Variants in GALNT14 observed in about 807,000 individuals in gnomAD.
GALNT14 encodes polypeptide N-acetylgalactosaminyltransferase 14.
GALNT14 carries 60 observed loss-of-function variants against 77.5 expected under a neutral mutation model. The ratio of observed to expected loss-of-function variants is 0.77; its 90% confidence interval spans 0.63 to 0.96. The LOEUF (loss-of-function observed/expected upper bound fraction) is 0.96. GALNT14 is among the 40% of genes least tolerant of loss of function. The probability of loss-of-function intolerance (pLI) is 0.00; values close to 1 mark genes in which losing one functional copy is unlikely to be tolerated. For missense variants in GALNT14, 710 were observed against 731.0 expected, an observed-to-expected ratio of 0.97 and a Z score of 0.33; for synonymous variants, 280 against 281.7, an observed-to-expected ratio of 0.99 and a Z score of 0.06.
chr2:31,081,389 T>C (rs1191878103), intron 1 of GALNT14, among the ~76,000 whole-genome samples: 1 of 152,204 alleles, frequency 6.6e-6, no homozygotes, highest in African/African-American at 2.4e-5. Flanking sequence ...ATTTCGGAAC[T>C]ACAAAAGTTG....
At chr2:31,113,535 A>G (rs1163897096) in intron 1 of GALNT14, among the ~76,000 whole-genome samples, 3 of 152,132 alleles carry the variant, frequency 2.0e-5, no homozygotes, top group African/African-American at 7.2e-5. Context: ...GAACAGGCCT[A>G]CTGAGTCCTC....
chr2:31,102,663 C>T (rs1375510576), intron 1 of GALNT14, among the ~76,000 whole-genome samples: 1 of 152,102 alleles, frequency 6.6e-6, no homozygotes, highest in African/African-American at 2.4e-5. Context: ...ACCAGATCTA[C>T]TTTATTACCT....
the GALNT14 span, among the ~76,000 whole-genome samples, chr2:30,897,681 T>C: frequency 6.6e-6 from 1 of 152,144 alleles, no homozygotes. Context: ...TGGCGTAGCT[T>C]CTCCACAGGG....
At chr2:31,064,219 C>G (rs1159638572) in intron 1 of GALNT14, among the ~76,000 whole-genome samples, 1 of 152,230 alleles carries the variant, frequency 6.6e-6, no homozygotes, top group East Asian at 1.9e-4. Flanking sequence ...TATTGTGTTC[C>G]TACTGTGTGC....
At chr2:31,129,346 C>T (rs1282207290) in intron 1 of GALNT14, 1 of 983,458 alleles carries the variant, frequency 1.0e-6, no homozygotes, top group South Asian at 4.7e-5. Flanking sequence ...TGTAAAACAT[C>T]ACACCAAGTG....
chr2:31,043,807 TATAA>T (rs1395563014), intron 1 of GALNT14, among the ~76,000 whole-genome samples: 2 of 152,194 alleles, frequency 1.3e-5, no homozygotes, highest in African/African-American at 4.8e-5. Context: ...GAGAACGATC[TATAA>T]ATAAAGAATG....
intron 2 of GALNT14, among the ~76,000 whole-genome samples, chr2:30,972,045 G>C (rs1343835312): frequency 6.6e-6 from 1 of 152,248 alleles, no homozygotes; most frequent in African/African-American, 2.4e-5. Flanking sequence ...CCTGCGGCAT[G>C]CTGCCTTCAT....
chr2:30,999,740 C>T (rs977354113), intron 1 of GALNT14, among the ~76,000 whole-genome samples: 1 of 152,208 alleles, frequency 6.6e-6, no homozygotes, highest in African/African-American at 2.4e-5. Context: ...AGGCTCTACA[C>T]CATATTTTAT....
intron 1 of GALNT14, among the ~76,000 whole-genome samples, chr2:30,997,041 T>C (rs1017586739): frequency 6.6e-6 from 1 of 152,252 alleles, no homozygotes; most frequent in Non-Finnish European, 1.5e-5. Context: ...TATATCATCA[T>C]GCAATCCTCA....
At chr2:31,070,879 T>C (rs1381124645) in intron 1 of GALNT14, among the ~76,000 whole-genome samples, 1 of 152,234 alleles carries the variant, frequency 6.6e-6, no homozygotes, top group Non-Finnish European at 1.5e-5. Flanking sequence ...CAATAAGCAC[T>C]GTCTGGTCTC....
chr2:30,916,407 G>A (rs1664680550), intron 13 of GALNT14, among the ~76,000 whole-genome samples: 2 of 152,280 alleles, frequency 1.3e-5, no homozygotes, highest in South Asian at 2.1e-4. Context: ...TTTGGTCCGG[G>A]AACCGTCCCT....
intron 1 of GALNT14, among the ~76,000 whole-genome samples, chr2:31,058,739 A>G (rs965892615): frequency 6.6e-6 from 1 of 152,204 alleles, no homozygotes; most frequent in African/African-American, 2.4e-5. Flanking sequence ...ACGTCCCATG[A>G]CATCTCCACA....
intron 1 of GALNT14, among the ~76,000 whole-genome samples, chr2:31,088,384 G>A (rs1676562668): frequency 6.6e-6 from 1 of 152,204 alleles, no homozygotes; most frequent in Non-Finnish European, 1.5e-5. Flanking sequence ...CTGATGTTAA[G>A]TTTGGCCAAT....
chr2:30,955,935 C>A lies in GALNT14; in HGVS notation c.509G>T (p.Cys170Phe), dbSNP rs778736463. Residue 170 changes from cysteine to phenylalanine, a missense_variant, in exon 5 of 15, where the codon TGC becomes TTC. Physicochemically the swap from Cys to Phe is radical, Grantham distance 205. Coordinates refer to ENST00000349752, the MANE Select transcript of GALNT14 (RefSeq NM_024572.4). Reference sequence around the variant, plus strand: ...ACCTTGCCGTTCATTATTGCGCAAGCATTTCACCTTGGGCAACTTGATGAG... The same window carrying A: ...ACCTTGCCGTTCATTATTGCGCAAGAATTTCACCTTGGGCAACTTGATGAG... ...KQLIKLPKVKCLRNNERQGLV... is the reference protein window; with the variant it reads ...KQLIKLPKVKFLRNNERQGLV... The A allele has an allele frequency of 3.1e-6, 5 of 1,614,054 alleles. No individual in the cohort carries two copies. The East Asian group carries it at 8.9e-5, about 29-fold the overall frequency.
chr2:31,104,961 T>C (rs1425752580), intron 1 of GALNT14, among the ~76,000 whole-genome samples: 1 of 152,224 alleles, frequency 6.6e-6, no homozygotes, highest in Non-Finnish European at 1.5e-5. Flanking sequence ...AATATGCTAT[T>C]TCTTATGAAA....
intron 1 of GALNT14, among the ~76,000 whole-genome samples, chr2:31,094,468 T>C (rs1350400181): frequency 6.6e-6 from 1 of 152,222 alleles, no homozygotes; most frequent in African/African-American, 2.4e-5. Flanking sequence ...CCGATGCCAT[T>C]TGGAGGCCAT....
chr2:30,919,777 G>T (rs17010473), intron 13 of GALNT14, among the ~76,000 whole-genome samples: 1,885 of 152,318 alleles, frequency 0.012, 41 homozygotes, highest in East Asian at 0.075. Context: ...TGCAGCCAGG[G>T]TGTGAAGAAA....
At chr2:31,049,559 T>C (rs1310209316) in intron 1 of GALNT14, among the ~76,000 whole-genome samples, 3 of 152,106 alleles carry the variant, frequency 2.0e-5, no homozygotes, top group Non-Finnish European at 4.4e-5. Flanking sequence ...ATCCCAAGAC[T>C]CATCATGTGT....
At chr2:31,047,623 G>GTCA (rs1157040203) in intron 1 of GALNT14, among the ~76,000 whole-genome samples, 1 of 152,214 alleles carries the variant, frequency 6.6e-6, no homozygotes, top group Non-Finnish European at 1.5e-5. Context: ...CTCTGAGCTA[G>GTCA]TGACCTTGAG....
Sources: gnomAD v4.1 joint callset for allele counts (sites outside exome capture counted in the v4.1 genomes callset) on GRCh38, gnomAD v4.1.1 for gene constraint, MANE v1.5 for transcripts, NCBI Gene and HGNC (gene_info 2026-07-23, HGNC 2026-07-21) for gene names.